CPNE8: variants seen among roughly 807,000 people sequenced by gnomAD.
CPNE8 encodes copine-8.
CPNE8 carries 45 observed loss-of-function variants against 81.5 expected under a neutral mutation model. The observed-to-expected ratio is 0.55, with a 90% CI of 0.44 to 0.71. The LOEUF is 0.71. Among genes scored for constraint, CPNE8 ranks in the 30% least tolerant of loss-of-function variants. The pLI is 0.00. For missense variants in CPNE8, 594 were observed against 672.1 expected, an observed-to-expected ratio of 0.88 and a Z score of 1.28; for synonymous variants, 252 against 226.3, an observed-to-expected ratio of 1.11 and a Z score of -1.02.
chr12:38,657,409 C>T (rs1349883631), intron 19 of CPNE8, among the ~76,000 whole-genome samples: 1 of 152,196 alleles, frequency 6.6e-6, no homozygotes, highest in African/African-American at 2.4e-5. Flanking sequence ...TGCAGCTCAA[C>T]AAGGCCTACT....
At chr12:38,840,068 A>C in intron 4 of CPNE8, 113 bp from the exon 5 acceptor site, 1 of 1,070,362 alleles carries the variant, frequency 9.3e-7, no homozygotes, top group South Asian at 2.3e-5. Context: ...AATAATACCA[A>C]TAGGAAGAAA....
chr12:38,733,243 T>C (rs1350004259), intron 10 of CPNE8, among the ~76,000 whole-genome samples: 2 of 151,920 alleles, frequency 1.3e-5, no homozygotes, highest in Non-Finnish European at 2.9e-5. Context: ...CTTTCTAACC[T>C]TTGTAACCTG....
At chr12:38,819,351 T>C (rs762707742) in intron 6 of CPNE8, among the ~76,000 whole-genome samples, 1 of 152,200 alleles carries the variant, frequency 6.6e-6, no homozygotes, top group African/African-American at 2.4e-5. Context: ...TTTCTGCATA[T>C]GGCTAGCCAT....
chr12:38,764,845 T>A (rs535274963), intron 8 of CPNE8, among the ~76,000 whole-genome samples: 11 of 152,006 alleles, frequency 7.2e-5, no homozygotes, highest in African/African-American at 2.4e-4. Flanking sequence ...ATAGATGATA[T>A]CTAGATAGAT....
chr12:38,840,138 A>G (rs1245178007), intron 4 of CPNE8, among the ~76,000 whole-genome samples, 183 bp from the exon 5 acceptor site: 2 of 152,178 alleles, frequency 1.3e-5, no homozygotes, highest in African/African-American at 4.8e-5. Context: ...GGTAGAATTC[A>G]TGATCCTTGG....
At chr12:38,874,634 CAT>C (rs1944041774) in intron 1 of CPNE8, 123 bp from the exon 2 acceptor site, 2 of 556,140 alleles carry the variant, frequency 3.6e-6, no homozygotes, top group Non-Finnish European at 3.2e-6. Context: ...CATACACACA[CAT>C]ATACATATAT....
chr12:38,863,275 A>G (rs939888408), intron 3 of CPNE8, among the ~76,000 whole-genome samples: 4 of 152,232 alleles, frequency 2.6e-5, no homozygotes, highest in Admixed American at 2.0e-4. Context: ...CAAAACTAAC[A>G]GAAGAAATTG....
At chr12:38,773,384 A>G (rs1490461561) in intron 7 of CPNE8, among the ~76,000 whole-genome samples, 1 of 152,106 alleles carries the variant, frequency 6.6e-6, no homozygotes, top group Non-Finnish European at 1.5e-5. Flanking sequence ...CTAATATATG[A>G]CATTGATTGT....
rs149227280 is a variant in CPNE8, at chr12:38,701,241, G to A, written c.961+1634C>T. ...TAGAATTTACCAGTGAAGCTATCTG[G>A]CCCTGGGTTCAGATTAACTTTGTGG... On this transcript the variant is annotated intron_variant, in intron 14 of 19. Transcript: ENST00000331366. Among the ~76,000 whole-genome samples, 738 of 152,146 alleles carry A rather than the reference G, an allele frequency of 4.9e-3. 3 individuals carry two copies. The highest frequency in any genetic ancestry group is 6.7e-3 in the Non-Finnish European group (455 of 67,992).
chr12:38,791,822 C>A (rs1380818398), intron 6 of CPNE8, among the ~76,000 whole-genome samples: 1 of 151,388 alleles, frequency 6.6e-6, no homozygotes, highest in East Asian at 1.9e-4. Flanking sequence ...CCAGGACAGA[C>A]CACATTTTAG....
rs186724174 is a variant in CPNE8 at position 38,896,232 on chromosome 12, T to C, written c.98+9205A>G. On this transcript the variant is annotated intron_variant, in intron 1 of 19. Coordinates refer to ENST00000331366, the MANE Select transcript of CPNE8 (RefSeq NM_153634.3). ...TTTGTTTCTTCAGAGTTTCAGAAAATCAGCTGATGATTCCCTCAGAAGGTC... is the reference window on the plus strand; with the variant it reads ...TTTGTTTCTTCAGAGTTTCAGAAAACCAGCTGATGATTCCCTCAGAAGGTC... 3.6e-3 allele frequency among the ~76,000 whole-genome samples: 554 copies of C among 152,180 alleles called. 3 individuals are homozygous for C. Among genetic ancestry groups the C allele is most frequent in the Middle Eastern group, 6.8e-3 (2 of 294 alleles).
intron 14 of CPNE8, among the ~76,000 whole-genome samples, chr12:38,695,272 A>C (rs1020613402): frequency 6.6e-6 from 1 of 152,202 alleles, no homozygotes; most frequent in Non-Finnish European, 1.5e-5. Flanking sequence ...TTGAAATATA[A>C]ACATCAAGAA....
Position 38,723,668 on chromosome 12 carries a change from A to G in CPNE8, c.914+104T>C. On this transcript the variant is annotated intron_variant, in intron 13 of 19. Transcript: ENST00000331366. The stretch of plus-strand genomic sequence containing the variant: ...AGTCTAATAGGCTTGCCATCAAAAT[A>G]TAATAAAGGTGATCATTTCAGTGCC... 6 of 753,266 alleles carry G rather than the reference A, an allele frequency of 8.0e-6. No individual in the cohort carries two copies. In the South Asian group the frequency reaches 9.4e-5, roughly 12 times the overall value. The allele number at this position is 753,266 out of a possible 1,614,324, so 46.7% of individuals were successfully genotyped here. A position where few individuals can be genotyped will look rare whatever the true frequency, so the allele number is the denominator to read the frequency against.
chr12:38,697,156 A>G (rs1378806960), intron 14 of CPNE8, among the ~76,000 whole-genome samples: 2 of 152,228 alleles, frequency 1.3e-5, no homozygotes, highest in Non-Finnish European at 2.9e-5. Context: ...TATCACTTCA[A>G]AAAGAAACCG....
At chr12:38,675,848 G>A in intron 17 of CPNE8, 74 bp from the exon 18 acceptor site, 2 of 962,796 alleles carry the variant, frequency 2.1e-6, no homozygotes, top group Non-Finnish European at 3.3e-6. Context: ...GGCCAGGCAT[G>A]ATATCTCACT....
At position 38,677,441 on chromosome 12, in the gene CPNE8, C is replaced by G; in HGVS notation, c.1374+11G>C. 6.8e-7 allele frequency: 1 copy of G among 1,474,974 alleles called. No individual in the cohort carries two copies. Among genetic ancestry groups the G allele is most frequent in the Non-Finnish European group, 9.5e-7 (1 of 1,053,690 alleles). The allele number at this position is 1,474,974 out of a possible 1,614,324, so 91.4% of individuals were successfully genotyped here. A position where few individuals can be genotyped will look rare whatever the true frequency, so the allele number is the denominator to read the frequency against. On this transcript the variant is annotated intron_variant, in intron 17 of 19. Transcript: ENST00000331366. ...ACGTAGCGAGCCCAATACGGAGTGA[C>G]CCCCACTTACATTAACTATGGACTC...
chr12:38,834,880 CTT>C (rs1170152007), intron 5 of CPNE8, among the ~76,000 whole-genome samples: 14 of 143,428 alleles, frequency 9.8e-5, no homozygotes, highest in Non-Finnish European at 1.1e-4. Context: ...ACATTCCAAA[CTT>C]TTTTTTTTTT....
At chr12:38,789,744 TG>T (rs1942279471) in intron 6 of CPNE8, among the ~76,000 whole-genome samples, 1 of 151,680 alleles carries the variant, frequency 6.6e-6, no homozygotes, top group Non-Finnish European at 1.5e-5. Flanking sequence ...CAATCAACTC[TG>T]TAGGAAAAAA....
At chr12:38,745,801 C>G (rs1487550432) in intron 10 of CPNE8, among the ~76,000 whole-genome samples, 1 of 152,202 alleles carries the variant, frequency 6.6e-6, no homozygotes, top group Non-Finnish European at 1.5e-5. Context: ...CTCAGCCTCT[C>G]AAAGTGCTGG....
Sources: gnomAD v4.1 joint callset for allele counts (sites outside exome capture counted in the v4.1 genomes callset) on GRCh38, gnomAD v4.1.1 for gene constraint, MANE v1.5 for transcripts, NCBI Gene and HGNC (gene_info 2026-07-23, HGNC 2026-07-21) for gene names.